CSMD1: variants seen among roughly 807,000 people sequenced by gnomAD.
CSMD1 encodes the protein CUB and sushi domain-containing protein 1.
In CSMD1, 213 loss-of-function variants were observed where a neutral mutation model predicts 417.5. That is an observed-to-expected ratio of 0.51 (90% confidence interval 0.46 to 0.57). The LOEUF (loss-of-function observed/expected upper bound fraction) is 0.57, where lower values mean the gene tolerates loss of function less well. Among genes scored for constraint, CSMD1 ranks in the 20% least tolerant of loss-of-function variants. The pLI is 0.00. For missense variants in CSMD1, 6,923 were observed against 4,529.7 expected (o/e 1.53, Z -15.17); for synonymous variants, 2,862 against 1,736.8 (o/e 1.65, Z -16.11).
intron 11 of CSMD1, among the ~76,000 whole-genome samples, chr8:3,475,173 C>A (rs1032551605): frequency 1.4e-4 from 20 of 146,920 alleles, no homozygotes; most frequent in African/African-American, 4.3e-4. Flanking sequence ...CATTTCTTAG[C>A]CTCTTGAAGC....
rs902634234 is a variant in CSMD1, at chr8:4,184,202, A to C, written c.416-152103T>G. 2.6e-5 allele frequency among the ~76,000 whole-genome samples: 4 copies of C among 152,214 alleles called. No individual in the cohort carries two copies. The South Asian group carries it at 6.2e-4, about 24-fold the overall frequency. ...GTTATATTAAATCTGTGTCAGTCTG[A>C]GCCTAAGAGTATAACTGTAAGCAGA... On this transcript the variant is annotated intron_variant, in intron 3 of 69. Coordinates refer to ENST00000635120, the MANE Select transcript of CSMD1 (RefSeq NM_033225.6).
chr8:4,389,075 T>G (rs1053383645), intron 3 of CSMD1, among the ~76,000 whole-genome samples: 1 of 152,232 alleles, frequency 6.6e-6, no homozygotes, highest in Non-Finnish European at 1.5e-5. Flanking sequence ...TTTCTCTTAC[T>G]CTACATTATA....
intron 25 of CSMD1, among the ~76,000 whole-genome samples, chr8:3,302,834 G>A (rs952735098): frequency 1.3e-5 from 2 of 152,162 alleles, no homozygotes; most frequent in African/African-American, 4.8e-5. Context: ...TTGGGAGCTG[G>A]TGTTATTTAA....
At chr8:4,588,779 G>GACACACACAC (rs10576784) in intron 2 of CSMD1, among the ~76,000 whole-genome samples, 285 of 146,454 alleles carry the variant, frequency 1.9e-3, no homozygotes, top group African/African-American at 5.0e-3. Flanking sequence ...GCAAGACTCC[G>GACACACACAC]ACACACACAC....
At chr8:4,101,127 G>A (rs1420773141) in intron 3 of CSMD1, among the ~76,000 whole-genome samples, 1 of 152,190 alleles carries the variant, frequency 6.6e-6, no homozygotes, top group African/African-American at 2.4e-5. Context: ...TCTTTTAAGG[G>A]CCTCAGCAGG....
At chr8:4,480,712 C>T (rs1801051028) in intron 2 of CSMD1, among the ~76,000 whole-genome samples, 1 of 152,200 alleles carries the variant, frequency 6.6e-6, no homozygotes, top group African/African-American at 2.4e-5. Context: ...TTCTGACAAC[C>T]ACCTGGTATA....
chr8:4,709,509 G>C (rs768585095), intron 1 of CSMD1, among the ~76,000 whole-genome samples: 1 of 152,218 alleles, frequency 6.6e-6, no homozygotes, highest in Admixed American at 6.5e-5. Context: ...ACCTTCCTCA[G>C]GCTGAGGGTA....
intron 3 of CSMD1, among the ~76,000 whole-genome samples, chr8:4,309,264 A>T (rs1798427179): frequency 6.6e-6 from 1 of 152,068 alleles, no homozygotes; most frequent in African/African-American, 2.4e-5. Flanking sequence ...CACACCAACT[A>T]ATTATTCAGC....
chr8:3,575,518 C>T (rs562455754), intron 9 of CSMD1, among the ~76,000 whole-genome samples: 29 of 152,260 alleles, frequency 1.9e-4, no homozygotes, highest in East Asian at 3.9e-4. Flanking sequence ...ATCTCAGCTA[C>T]GTCTTACACT....
At chr8:4,795,434 G>A (rs1044001083) in intron 1 of CSMD1, among the ~76,000 whole-genome samples, 3 of 151,566 alleles carry the variant, frequency 2.0e-5, no homozygotes, top group African/African-American at 7.3e-5. Flanking sequence ...ACCACGCCAG[G>A]CTAACTTTTG....
chr8:3,983,472 G>C (rs533060469), intron 5 of CSMD1, among the ~76,000 whole-genome samples: 2 of 152,262 alleles, frequency 1.3e-5, no homozygotes, highest in South Asian at 2.1e-4. Flanking sequence ...CACCAGGGTA[G>C]ATATCAAGTC....
chr8:3,404,133 A>C (rs973247039), intron 15 of CSMD1, among the ~76,000 whole-genome samples: 1 of 152,118 alleles, frequency 6.6e-6, no homozygotes, highest in African/African-American at 2.4e-5. Context: ...CAGGAGTTTG[A>C]GACCAGCCTG....
At chr8:3,352,758 T>A (rs1808499757) in intron 21 of CSMD1, among the ~76,000 whole-genome samples, 2 of 152,174 alleles carry the variant, frequency 1.3e-5, no homozygotes, top group African/African-American at 4.8e-5. Context: ...GAGACTTGCT[T>A]GAACCCAGGA....
chr8:4,707,111 C>G (rs1483692985), intron 1 of CSMD1, among the ~76,000 whole-genome samples: 1 of 152,156 alleles, frequency 6.6e-6, no homozygotes, highest in African/African-American at 2.4e-5. Flanking sequence ...GAAGCAGATA[C>G]TAAATACAGC....
intron 5 of CSMD1, among the ~76,000 whole-genome samples, chr8:3,936,564 A>G (rs1829857): frequency 6.6e-6 from 1 of 152,068 alleles, no homozygotes; most frequent in Non-Finnish European, 1.5e-5. Context: ...AAAGCCGGGA[A>G]GATAGCACAT....
chr8:3,606,035 C>G (rs1801594834), intron 8 of CSMD1, among the ~76,000 whole-genome samples: 1 of 152,096 alleles, frequency 6.6e-6, no homozygotes, highest in Non-Finnish European at 1.5e-5. Context: ...CCTACAAAAT[C>G]ACATGATTGT....
chr8:4,930,683 T>A (rs963360702), intron 1 of CSMD1, among the ~76,000 whole-genome samples: 17 of 152,318 alleles, frequency 1.1e-4, no homozygotes, highest in African/African-American at 4.1e-4. Flanking sequence ...CAGGTATCAA[T>A]GTTTAGGTCG....
At chr8:3,654,856 C>G (rs993028726) in intron 7 of CSMD1, among the ~76,000 whole-genome samples, 2 of 152,142 alleles carry the variant, frequency 1.3e-5, no homozygotes, top group Admixed American at 1.3e-4. Flanking sequence ...TCTACCCACA[C>G]CCGGACCTGC....
intron 2 of CSMD1, among the ~76,000 whole-genome samples, chr8:4,456,588 C>A (rs1232500307): frequency 1.3e-5 from 2 of 152,092 alleles, no homozygotes; most frequent in African/African-American, 2.4e-5. Flanking sequence ...CTCACAAACA[C>A]GGCTGTAGGG....
Sources: gnomAD v4.1 joint callset for allele counts (sites outside exome capture counted in the v4.1 genomes callset) on GRCh38, gnomAD v4.1.1 for gene constraint, MANE v1.5 for transcripts, NCBI Gene and HGNC (gene_info 2026-07-23, HGNC 2026-07-21) for gene names.